The following PKD1L3 variants were observed in gnomAD, a reference collection of about 807,000 sequenced individuals.
The protein encoded by PKD1L3 is polycystin-1-like protein 3.
Under a neutral mutation model 184.1 loss-of-function variants are expected in PKD1L3, and 239 were observed. The ratio of observed to expected loss-of-function variants is 1.30; its 90% CI spans 1.17 to 1.45. The LOEUF (loss-of-function observed/expected upper bound fraction) is 1.45. PKD1L3 is among the 40% of genes most tolerant of loss of function. PKD1L3 has a pLI of 0.00. For synonymous variants in PKD1L3, 996 were observed against 778.8 expected, an observed-to-expected ratio of 1.28 and a Z score of -4.64; for missense variants, 2,660 against 2,067.2, an observed-to-expected ratio of 1.29 and a Z score of -5.56.
intron 2 of PKD1L3, among the ~76,000 whole-genome samples, chr16:71,993,958 C>T (rs771089422): frequency 2.6e-5 from 4 of 152,084 alleles, no homozygotes; most frequent in African/African-American, 9.7e-5. Flanking sequence ...TTAGTAGAAA[C>T]GAGGTTTCAC....
At position 71,938,577 on chromosome 16, in the gene PKD1L3, G is replaced by A. The variant is rs193020646; in HGVS notation, c.4325-1158C>T. On this transcript the variant is annotated intron_variant, in intron 24 of 29. Coordinates refer to ENST00000620267, the MANE Select transcript of PKD1L3 (RefSeq NM_181536.2). ...ACTAACTCAATTGAGAACTTATGGCGCTTCTTCTGGGCCCACCCATGGCTG... is the reference window on the plus strand; with the variant it reads ...ACTAACTCAATTGAGAACTTATGGCACTTCTTCTGGGCCCACCCATGGCTG... Among the ~76,000 whole-genome samples the A allele has an allele frequency of 7.9e-5, 12 of 152,324 alleles. No homozygotes were observed. In the South Asian group the frequency reaches 1.0e-3, roughly 13 times the overall value.
At chr16:71,932,112 G>C (rs2037995888) in intron 28 of PKD1L3, among the ~76,000 whole-genome samples, 1 of 152,098 alleles carries the variant, frequency 6.6e-6, no homozygotes. Context: ...TTCTGGGATT[G>C]GTTGAATCTG....
At chr16:71,944,742 G>GC (rs2038501158) in intron 22 of PKD1L3, among the ~76,000 whole-genome samples, 2 of 144,628 alleles carry the variant, frequency 1.4e-5, no homozygotes, top group Non-Finnish European at 3.0e-5. Context: ...CTTCGTTGTC[G>GC]AGGCTGGAGT....
chr16:71,958,581 G>C (rs932821918), intron 16 of PKD1L3, among the ~76,000 whole-genome samples: 1 of 151,572 alleles, frequency 6.6e-6, no homozygotes, highest in African/African-American at 2.4e-5. Context: ...AGGAGTTTGA[G>C]ACCAGCCTGG....
At chr16:71,983,987 G>T (rs373015507) in intron 6 of PKD1L3, 49 bp downstream of exon 6, 5 of 1,541,322 alleles carry the variant, frequency 3.2e-6, no homozygotes, top group Non-Finnish European at 3.5e-6. Flanking sequence ...TCTGTTTTCC[G>T]CTTTTCCCTC....
rs1240225249 is a variant in PKD1L3 at position 71,933,436 on chromosome 16, A to G, written c.4910T>C (p.Ile1637Thr). The G allele has an allele frequency of 3.9e-6, 6 of 1,546,836 alleles. No individual in the cohort carries two copies. Among genetic ancestry groups the G allele is most frequent in the Non-Finnish European group, 5.3e-6 (6 of 1,142,556 alleles). The part of the protein sequence containing the change: ...AVTVVGLLMG[I>T]SHQEEVFALD... ...TATTTTTACCTCCTCTTGGTGAGAA[A>G]TTCCCATCAGGAGACCAACAACAGT... Residue 1637 changes from isoleucine to threonine, a missense_variant, in exon 28 of 30, where the codon ATT becomes ACT. By Grantham distance (89) the Ile-to-Thr change is moderately conservative (BLOSUM62 -1). Transcript: ENST00000620267.
intron 2 of PKD1L3, among the ~76,000 whole-genome samples, chr16:71,996,053 T>C (rs1262767427): frequency 2.0e-5 from 3 of 152,162 alleles, no homozygotes; most frequent in Non-Finnish European, 2.9e-5. Flanking sequence ...TTTCTTTTTT[T>C]TAAAAAATGT....
chr16:71,963,648 G>A (rs1396330705), intron 15 of PKD1L3, among the ~76,000 whole-genome samples: 1 of 152,072 alleles, frequency 6.6e-6, no homozygotes, highest in Non-Finnish European at 1.5e-5. Flanking sequence ...TGGGCGTGGT[G>A]GTGTGCACCT....
chr16:71,990,085 CAAAAAAA>C (rs34692174), intron 4 of PKD1L3, among the ~76,000 whole-genome samples, 188 bp downstream of exon 4: 6 of 119,162 alleles, frequency 5.0e-5, no homozygotes, highest in Admixed American at 9.3e-5. Context: ...TCTCTCCCAC[CAAAAAAA>C]AAAAAAAAAA....
Position 71,953,035 on chromosome 16 carries a change from G to C in PKD1L3, c.2868C>G (p.Ile956Met). The change falls in exon 18 of 30, where the codon ATC becomes ATG. Residue 956 changes from isoleucine to methionine, a missense_variant. Ile to Met is a conservative substitution (Grantham distance 10). Transcript: ENST00000620267. The part of the protein sequence containing the change: ...ELLVSIHTAV[I>M]LFPINLVIGR... ...CTATGACAAGATTGATTGGGAAGAG[G>C]ATGACAGCAGTATGGATGCTGACCA... 6.5e-7 allele frequency: 1 copy of C among 1,548,536 alleles called. No individual in the cohort carries two copies. The highest frequency in any genetic ancestry group is 2.5e-5 in the East Asian group (1 of 40,654).
In PKD1L3 at chr16:71,934,083, C is replaced by T. The variant is rs182220487; in HGVS notation, c.4656G>A (p.Ala1552=). Residue 1552 remains alanine, a synonymous_variant, in exon 27 of 30, where the codon GCG becomes GCA. Coordinates refer to ENST00000620267, the MANE Select transcript of PKD1L3 (RefSeq NM_181536.2). ...FYEAVKVNSA[A]THLVGFPVLL... is the part of the protein sequence containing the mutation. ...GAACCGGGAAGCCCACAAGGTGAGT[C>T]GCAGCAGAGTTCACTTTTACTGCCT... 8.1e-5 allele frequency: 126 copies of T among 1,551,906 alleles called. No individual in the cohort carries two copies. The highest frequency in any genetic ancestry group is 3.4e-4 in the East Asian group (14 of 40,924).
At chr16:71,967,350 A>G in intron 14 of PKD1L3, 35 bp from the exon 15 acceptor site, 2 of 1,520,178 alleles carry the variant, frequency 1.3e-6, no homozygotes, top group Non-Finnish European at 1.8e-6. Context: ...AATATAAGGA[A>G]TTTTAACACA....
chr16:71,984,859 A>T lies in PKD1L3; in HGVS notation c.835-692T>A, dbSNP rs544085919. ...GGGCGACAGATCGAGAATCTGTCTC[A>T]AAAAAAGAGTCCATATTCAAGAGGT... On this transcript the variant is annotated intron_variant, in intron 5 of 29. Transcript: ENST00000620267. Among the ~76,000 whole-genome samples, 18 of 151,354 alleles carry T rather than the reference A, an allele frequency of 1.2e-4. No homozygotes were observed. The South Asian group carries it at 3.7e-3, about 32-fold the overall frequency.
chr16:71,960,179 A>G (rs1307420917), intron 16 of PKD1L3, among the ~76,000 whole-genome samples: 1 of 151,808 alleles, frequency 6.6e-6, no homozygotes, highest in Non-Finnish European at 1.5e-5. Flanking sequence ...AAAAAAAAAA[A>G]CCAAAAAAAA....
Position 71,970,037 on chromosome 16 carries a change from G to A in PKD1L3, c.2022C>T (p.Asp674=). The A allele has an allele frequency of 4.5e-6, 7 of 1,551,710 alleles. No homozygotes were observed. Among genetic ancestry groups the A allele is most frequent in the Non-Finnish European group, 6.1e-6 (7 of 1,147,000 alleles). Residue 674 remains aspartate, a synonymous_variant, in exon 13 of 30, where the codon GAC becomes GAT. Coordinates refer to ENST00000620267, the MANE Select transcript of PKD1L3 (RefSeq NM_181536.2). The part of the protein sequence containing the change: ...LCNHLTFFAS[D]FFVVPRTVNV... ...TCACGGTCCTGGGCACGACAAAGAA[G>A]TCGCTGGCAAAGAAGGTCAGGTGGT...
rs771202323 is a variant in PKD1L3 at position 71,929,708 on chromosome 16, G to A, written c.5059-30C>T. 4.1e-5 allele frequency: 61 copies of A among 1,501,326 alleles called. 1 individual carries two copies. Among genetic ancestry groups the A allele is most frequent in the Admixed American group, 3.7e-4 (15 of 40,194 alleles). The allele number at this position is 1,501,326 out of a possible 1,614,324, so 93.0% of individuals were successfully genotyped here. Reference sequence around the variant, plus strand: ...GTATTGAAGACAAAAAGAGAAAAGTGAGAAAATTGAAATTACTGCTAATAG... The same window carrying A: ...GTATTGAAGACAAAAAGAGAAAAGTAAGAAAATTGAAATTACTGCTAATAG... On this transcript the variant is annotated intron_variant, in intron 29 of 29. Transcript: ENST00000620267.
In PKD1L3 at chr16:71,937,325, A is replaced by G; in HGVS notation, c.4419T>C (p.Tyr1473=). 1 of 1,551,662 alleles carries G rather than the reference A, an allele frequency of 6.4e-7. No individual in the cohort carries two copies. Among genetic ancestry groups the G allele is most frequent in the Non-Finnish European group, 8.7e-7 (1 of 1,146,964 alleles). ...AGGCATAGTAACAGACCAGTAGATA[A>G]TAGATGACTTGTGAGATGATAGACC... ...CVWSIISQVI[Y]YLLVCYYAFI... Residue 1473 remains tyrosine, a synonymous_variant, in exon 25 of 30, where the codon TAT becomes TAC. Transcript: ENST00000620267.
intron 26 of PKD1L3, 84 bp from the exon 27 acceptor site, chr16:71,934,209 G>C: frequency 5.4e-6 from 7 of 1,305,210 alleles, no homozygotes; most frequent in Non-Finnish European, 7.5e-6. Flanking sequence ...TGCTGATCGT[G>C]GCAGCCCTGA....
chr16:71,990,294 G>A lies in PKD1L3; in HGVS notation c.571C>T (p.Leu191Phe), dbSNP rs772468325. The change falls in exon 4 of 30, where the codon CTT (leucine) becomes TTT (phenylalanine). Residue 191 changes from leucine (L) to phenylalanine (F), a missense_variant. By Grantham distance (22) the Leu-to-Phe change is conservative (BLOSUM62 0). Coordinates refer to ENST00000620267, the MANE Select transcript of PKD1L3 (RefSeq NM_181536.2). ...GAAGCACTTACAAGATGAGCAGGAA[G>A]AGGATAGTGACATGTGGTTGGAAGA... is the stretch of plus-strand genomic sequence containing the variant. ...GHLPTTCHYP[L>F]PAHLSKTLCH... 1.9e-5 allele frequency: 30 copies of A among 1,548,390 alleles called. No individual in the cohort carries two copies. Among genetic ancestry groups the A allele is most frequent in the Non-Finnish European group, 9.6e-6 (11 of 1,144,478 alleles).
Sources: allele counts gnomAD v4.1 joint callset (sites outside exome capture counted in the v4.1 genomes callset), GRCh38; gene constraint gnomAD v4.1.1; transcripts MANE v1.5; gene names NCBI Gene and HGNC (gene_info 2026-07-23, HGNC 2026-07-21).